The following CLSPN variants were observed in gnomAD, a reference collection of about 807,000 sequenced individuals.
CLSPN encodes the protein claspin homolog.
Under a neutral mutation model 156.3 loss-of-function variants are expected in CLSPN, and 85 were observed. That is an observed-to-expected ratio of 0.54 (90% CI 0.46 to 0.65). The LOEUF (loss-of-function observed/expected upper bound fraction) is 0.65. Ranked by LOEUF, CLSPN falls within the 30% of genes least tolerant of loss-of-function variation. CLSPN has a pLI of 0.00. For synonymous variants in CLSPN, 534 were observed against 542.4 expected (o/e 0.98, Z 0.22); for missense variants, 1,407 against 1,554.9 (o/e 0.90, Z 1.60).
downstream of CLSPN, among the ~76,000 whole-genome samples, chr1:35,730,148 C>T (rs887248143): frequency 3.3e-5 from 5 of 152,322 alleles, no homozygotes; most frequent in Middle Eastern, 3.4e-3. Flanking sequence ...CATTTTTCAA[C>T]AAAACGGATA....
chr1:35,722,645 T>C (rs530325759), intron 24 of CLSPN, among the ~76,000 whole-genome samples: 27 of 151,986 alleles, frequency 1.8e-4, no homozygotes, highest in South Asian at 8.3e-4. Context: ...CTTTTTTTTT[T>C]CCCTGAGACG....
exon 25 of CLSPN, chr1:35,720,918 G>A (rs747177466): frequency 1.9e-6 from 3 of 1,612,264 alleles, no homozygotes; most frequent in South Asian, 2.2e-5. Flanking sequence ...ATGAAAGCCT[G>A]AAGAATCCAG....
intron 15 of CLSPN, 26 bp from the exon 16 acceptor site, chr1:35,745,588 G>A (rs2148617206): frequency 1.4e-6 from 2 of 1,458,096 alleles, no homozygotes; most frequent in Middle Eastern, 1.7e-4. Context: ...GAAAAGATGT[G>A]TCACCAAGGA....
In CLSPN at chr1:35,743,490, G is replaced by A. The variant is rs1641767961; in HGVS notation, c.3007C>T (p.Leu1003Phe). 1 of 1,613,548 alleles carries A rather than the reference G, an allele frequency of 6.2e-7. No homozygotes were observed. The highest frequency in any genetic ancestry group is 8.5e-7 in the Non-Finnish European group (1 of 1,179,706). ...TCAAACTCATTATCATTTGAAACAA[G>A]CCGAAAGTCTCCAAATTCCTCCTCC... is the stretch of plus-strand genomic sequence containing the variant. Reference protein sequence around the residue: ...DEEEEFGDFRLVSNDNEFDSD... With the variant: ...DEEEEFGDFRFVSNDNEFDSD... Residue 1003 changes from leucine to phenylalanine, a missense_variant, in exon 17 of 25, where the codon CTT (leucine) becomes TTT (phenylalanine). Physicochemically the swap from Leu to Phe is conservative, Grantham distance 22. Transcript: ENST00000318121.
At chr1:35,740,603 G>C (rs987094191) in intron 18 of CLSPN, among the ~76,000 whole-genome samples, 2 of 151,948 alleles carry the variant, frequency 1.3e-5, no homozygotes, top group African/African-American at 4.8e-5. Flanking sequence ...TTTTTTAGTA[G>C]AGATAGGGTT....
chr1:35,758,573 A>G (rs1038376053), intron 8 of CLSPN, among the ~76,000 whole-genome samples: 2 of 151,900 alleles, frequency 1.3e-5, no homozygotes, highest in African/African-American at 4.8e-5. Context: ...TGAACCCAGG[A>G]GGCGGAGGTT....
rs1329447151 is a variant in CLSPN at position 35,734,509 on chromosome 1, A to T, written c.*1987T>A. 5.5e-6 allele frequency: 2 copies of T among 362,810 alleles called. No individual in the cohort carries two copies. The highest frequency in any genetic ancestry group is 1.3e-4 in the Admixed American group (2 of 15,448). 22.5% of individuals were successfully genotyped at this position (362,810 alleles called of 1,614,324 possible). A position where few individuals can be genotyped will look rare whatever the true frequency, so the allele number is the denominator to read the frequency against. ...AGCCTGGCCAACATGGCGAAACCTC[A>T]TCTCTAATAAAAATACAAAAAATTA... On this transcript the variant is annotated 3_prime_UTR_variant, in exon 25 of 25. Transcript: ENST00000318121.
chr1:35,749,424 G>A, intron 12 of CLSPN, 43 bp downstream of exon 12: 1 of 1,587,786 alleles, frequency 6.3e-7, no homozygotes, highest in Non-Finnish European at 8.6e-7. Context: ...CAAAGCTGAG[G>A]GACAAAAGAA....
intron 9 of CLSPN, among the ~76,000 whole-genome samples, chr1:35,752,700 CA>C (rs1642136439): frequency 6.6e-6 from 1 of 151,246 alleles, no homozygotes; most frequent in Non-Finnish European, 1.5e-5. Flanking sequence ...TAAACTTGAG[CA>C]AGTGTCTTAA....
intron 23 of CLSPN, 89 bp downstream of exon 23, chr1:35,737,250 C>T: frequency 5.3e-6 from 7 of 1,317,800 alleles, no homozygotes; most frequent in Non-Finnish European, 7.6e-6. Context: ...CACCTCCTTC[C>T]TCTAATGACA....
At chr1:35,764,756 C>A in intron 2 of CLSPN, 42 bp from the exon 3 acceptor site, 1 of 1,337,424 alleles carries the variant, frequency 7.5e-7, no homozygotes. Context: ...ATCATTTGAT[C>A]TTCCTCCTAG....
At chr1:35,744,056 T>G (rs1010535961) in intron 16 of CLSPN, among the ~76,000 whole-genome samples, 3 of 152,242 alleles carry the variant, frequency 2.0e-5, no homozygotes, top group African/African-American at 7.2e-5. Context: ...TCTGTAGTGT[T>G]AAGTACATTC....
downstream of CLSPN, among the ~76,000 whole-genome samples, chr1:35,728,862 C>T (rs1433721075): frequency 2.0e-5 from 3 of 150,468 alleles, no homozygotes; most frequent in East Asian, 5.9e-4. Flanking sequence ...GCTTGGAAGT[C>T]ATGGAACAAT....
Position 35,746,959 on chromosome 1 carries a change from G to A in CLSPN, c.2661C>T (p.Tyr887=). The A allele has an allele frequency of 1.2e-6, 2 of 1,614,034 alleles. No homozygotes were observed. Among genetic ancestry groups the A allele is most frequent in the South Asian group, 2.2e-5 (2 of 91,080 alleles). ...ATGGCAATCGAGGCTTCAAAGCTTG[G>A]TACTGATTCCTGTGGTTTCTAACAT... ...FLNVRNHRNQ[Y]QALKPRLPLA... The change falls in exon 15 of 25, where the codon TAC becomes TAT. Residue 887 remains tyrosine, a synonymous_variant. Transcript: ENST00000318121. The surrounding 1 kb of genome is among the most constrained non-coding windows in gnomAD (Gnocchi z 4.2).
rs1200971253 is a variant in CLSPN at position 35,739,152 on chromosome 1, A to G, written c.3414T>C (p.Phe1138=). The change falls in exon 20 of 25, where the codon TTT becomes TTC. Residue 1138 remains phenylalanine (F), a synonymous_variant. Coordinates refer to ENST00000318121, the MANE Select transcript of CLSPN (RefSeq NM_022111.4). ...CCAAGATACCTATGTTTTTCCATCG[A>G]AACTTCCTCATTCGCCCAGGACCAT... ...HSDGPGRMRK[F]RWKNIDDASQ... is the part of the protein sequence containing the mutation. The G allele has an allele frequency of 3.1e-6, 5 of 1,614,024 alleles. No homozygotes were observed. The highest frequency in any genetic ancestry group is 1.7e-5 in the Admixed American group (1 of 59,994).
Position 35,748,527 on chromosome 1 carries a change from G to A in CLSPN, c.2350C>T (p.Pro784Ser). The A allele has an allele frequency of 6.2e-7, 1 of 1,614,092 alleles. No homozygotes were observed. Among genetic ancestry groups the A allele is most frequent in the Non-Finnish European group, 8.5e-7 (1 of 1,179,984 alleles). The change falls in exon 13 of 25, where the codon CCA becomes TCA. Residue 784 changes from proline to serine, a missense_variant. Transcript: ENST00000318121. ...TGTCTGTTGCAAGGCTGATAGGATG[G>A]AATCGTGGAGCCAATCAGCTCAAAG... ...SSFELIGSTIPSYQPCNRQTG... is the reference protein window; with the variant it reads ...SSFELIGSTISSYQPCNRQTG...
intron 8 of CLSPN, among the ~76,000 whole-genome samples, chr1:35,759,822 C>T (rs756461572): frequency 3.3e-4 from 49 of 148,484 alleles, no homozygotes; most frequent in Admixed American, 7.4e-4. Context: ...TATTAACTAT[C>T]AACAACCTTT....
Position 35,750,348 on chromosome 1 carries a change from T to TAAATA in CLSPN, c.2029-542_2029-538dup, listed in dbSNP as rs561948199. Among the ~76,000 whole-genome samples, 306 of 149,418 alleles carry TAAATA rather than the reference T, an allele frequency of 2.0e-3. 2 individuals are homozygous for TAAATA. The highest frequency in any genetic ancestry group is 6.5e-3 in the African/African-American group (267 of 40,834). The stretch of plus-strand genomic sequence containing the variant: ...CTCATCTCAAAAAAATTTAAATAAA[T>TAAATA]AAATAAAATAAAATAAAATAAAGTG... On this transcript the variant is annotated intron_variant, in intron 10 of 24. Coordinates refer to ENST00000318121, the MANE Select transcript of CLSPN (RefSeq NM_022111.4).
chr1:35,749,599 G>C (rs753093512), intron 11 of CLSPN, 34 bp downstream of exon 11: 1 of 1,613,440 alleles, frequency 6.2e-7, no homozygotes, highest in Non-Finnish European at 8.5e-7. Flanking sequence ...CAAATCCAAG[G>C]CAATTTTAAG....
Sources: gnomAD v4.1 joint callset for allele counts (sites outside exome capture counted in the v4.1 genomes callset) on GRCh38, gnomAD v4.1.1 for gene constraint, Gnocchi (gnomAD v3.1) non-coding constraint, MANE v1.5 for transcripts, NCBI Gene and HGNC (gene_info 2026-07-23, HGNC 2026-07-21) for gene names.